IFTAP: variants seen among roughly 807,000 people sequenced by gnomAD.
IFTAP encodes the protein intraflagellar transport associated protein, also known as intraflagellar transport-associated protein.
In IFTAP, 19 loss-of-function variants were observed where a neutral mutation model predicts 19.4. The observed-to-expected ratio is 0.98, with a 90% CI of 0.68 to 1.44. The LOEUF (loss-of-function observed/expected upper bound fraction) is 1.44. Among genes scored for constraint, IFTAP ranks in the 40% most tolerant of loss-of-function variants. The pLI, the probability that IFTAP is intolerant of heterozygous loss-of-function variation, is 0.00. For missense variants in IFTAP, 240 were observed against 253.6 expected (o/e 0.95, Z 0.36); for synonymous variants, 85 against 83.5 (o/e 1.02, Z -0.10).
At chr11:36,648,760 A>T (rs1049265745) in intron 5 of IFTAP, among the ~76,000 whole-genome samples, 1 of 152,064 alleles carries the variant, frequency 6.6e-6, no homozygotes, top group African/African-American at 2.4e-5. Context: ...GGAGAGAAGA[A>T]CATGGGGGCA....
intron 3 of IFTAP, among the ~76,000 whole-genome samples, chr11:36,635,213 C>A (rs940834702): frequency 2.0e-5 from 3 of 152,136 alleles, no homozygotes; most frequent in African/African-American, 7.2e-5. Flanking sequence ...TTTTATTATG[C>A]ACATGTTTAG....
At chr11:36,620,192 G>A (rs1167764899) in intron 2 of IFTAP, among the ~76,000 whole-genome samples, 5 of 151,980 alleles carry the variant, frequency 3.3e-5, no homozygotes, top group African/African-American at 1.2e-4. Flanking sequence ...CATAAATTCA[G>A]TAACTATGTG....
intron 4 of IFTAP, 25 bp downstream of exon 4, chr11:36,636,142 A>G (rs369846850): frequency 2.3e-5 from 35 of 1,548,214 alleles, no homozygotes; most frequent in African/African-American, 2.2e-4. Context: ...TCCTTTCTAT[A>G]CTACCTGACC....
At chr11:36,614,246 AC>A (rs1400870943) in intron 2 of IFTAP, among the ~76,000 whole-genome samples, 1 of 144,564 alleles carries the variant, frequency 6.9e-6, no homozygotes, top group East Asian at 2.0e-4. Flanking sequence ...AAGGACATGA[AC>A]TCATCATTTT....
intron 1 of IFTAP, among the ~76,000 whole-genome samples, chr11:36,596,096 A>G (rs912163641): frequency 2.6e-5 from 4 of 152,250 alleles, no homozygotes; most frequent in Non-Finnish European, 2.9e-5. Context: ...TGCCTGGCAC[A>G]TAAACACTCA....
intron 1 of IFTAP, among the ~76,000 whole-genome samples, chr11:36,600,028 A>T (rs1310371286): frequency 6.6e-6 from 1 of 152,242 alleles, no homozygotes; most frequent in Non-Finnish European, 1.5e-5. Context: ...TGAATGGGTT[A>T]GTTGTCTCTT....
At chr11:36,605,121 T>C (rs1851645126) in intron 1 of IFTAP, among the ~76,000 whole-genome samples, 1 of 152,032 alleles carries the variant, frequency 6.6e-6, no homozygotes, top group South Asian at 2.1e-4. Context: ...CAAATGTTGA[T>C]GGTTTTATTT....
At position 36,658,356 on chromosome 11, in the gene IFTAP, G is replaced by A. The variant is rs143401646; in HGVS notation, c.499-663G>A. 1.7e-3 allele frequency among the ~76,000 whole-genome samples: 259 copies of A among 152,232 alleles called. 3 individuals carry two copies. Among genetic ancestry groups the A allele is most frequent in the African/African-American group, 5.9e-3 (245 of 41,548 alleles). On this transcript the variant is annotated intron_variant, in intron 5 of 5. Transcript: ENST00000334307. ...TTTTTTATCTGCCTTCCTTTAGGAA[G>A]TCTTTAAAACTCACAAATTATGAAT...
chr11:36,599,642 A>AT (rs144490050), intron 1 of IFTAP, among the ~76,000 whole-genome samples: 5,882 of 151,630 alleles, frequency 0.039, 373 homozygotes, highest in African/African-American at 0.13. Context: ...TTCAGGGTTG[A>AT]TTTTTTTTTA....
At chr11:36,642,247 GA>G (rs1853244249) in intron 4 of IFTAP, among the ~76,000 whole-genome samples, 1 of 152,076 alleles carries the variant, frequency 6.6e-6, no homozygotes, top group Admixed American at 6.5e-5. Flanking sequence ...AAATAAACTA[GA>G]AAATCTAGAA....
chr11:36,659,109 A>G lies in IFTAP; in HGVS notation c.589A>G (p.Ile197Val). ...MLTSKFSPAE[I>V]ENIKELCKQQ... ...AACCTCCAAGTTTAGTCCTGCAGAGATAGAGAACATCAAAGAGCTATGCAA... is the reference window on the plus strand; with the variant it reads ...AACCTCCAAGTTTAGTCCTGCAGAGGTAGAGAACATCAAAGAGCTATGCAA... The change falls in exon 6 of 6, where the codon ATA becomes GTA. Residue 197 changes from isoleucine to valine, a missense_variant. By Grantham distance (29) the Ile-to-Val change is conservative. Coordinates refer to ENST00000334307, the MANE Select transcript of IFTAP (RefSeq NM_138787.4). The G allele has an allele frequency of 6.2e-7, 1 of 1,610,582 alleles. No homozygotes were observed. The highest frequency in any genetic ancestry group is 8.5e-7 in the Non-Finnish European group (1 of 1,178,238).
intron 4 of IFTAP, among the ~76,000 whole-genome samples, chr11:36,642,236 CAAATAAACT>C (rs2133487078): frequency 6.6e-6 from 1 of 152,278 alleles, no homozygotes; most frequent in African/African-American, 2.4e-5. Context: ...CACCTCTACA[CAAATAAACT>C]AGAAAATCTA....
intron 1 of IFTAP, chr11:36,594,960 C>T (rs1016613829): frequency 1.3e-5 from 2 of 152,260 alleles, no homozygotes; most frequent in African/African-American, 4.8e-5. Context: ...GTTACAAAAG[C>T]CGTGACTGTC....
chr11:36,596,904 A>G (rs867804), intron 1 of IFTAP, among the ~76,000 whole-genome samples: 23,158 of 152,258 alleles, frequency 0.15, 2,517 homozygotes, highest in African/African-American at 0.31. Flanking sequence ...TGGGCAAGAC[A>G]TAAGGAGGAT....
chr11:36,637,399 G>A (rs116639441), intron 4 of IFTAP, among the ~76,000 whole-genome samples: 1 of 152,244 alleles, frequency 6.6e-6, no homozygotes, highest in African/African-American at 2.4e-5. Context: ...TCCAGGGAGA[G>A]GTTCTCTAAC....
At chr11:36,601,854 A>G (rs1037896783) in intron 1 of IFTAP, among the ~76,000 whole-genome samples, 4 of 152,142 alleles carry the variant, frequency 2.6e-5, no homozygotes, top group Admixed American at 2.6e-4. Flanking sequence ...AGGTCTCACT[A>G]TACTGGCCAG....
chr11:36,644,504 T>A (rs1390851378), intron 4 of IFTAP, among the ~76,000 whole-genome samples: 2 of 152,186 alleles, frequency 1.3e-5, no homozygotes, highest in African/African-American at 4.8e-5. Flanking sequence ...ACTGGGTATA[T>A]ACCCAAAGGA....
chr11:36,631,876 C>T (rs1295012332), intron 2 of IFTAP, among the ~76,000 whole-genome samples: 1 of 151,154 alleles, frequency 6.6e-6, no homozygotes, highest in African/African-American at 2.5e-5. Flanking sequence ...TTGGAATGTA[C>T]CCTGCACGCT....
At chr11:36,639,212 G>A (rs181358764) in intron 4 of IFTAP, among the ~76,000 whole-genome samples, 1 of 151,110 alleles carries the variant, frequency 6.6e-6, no homozygotes, top group East Asian at 1.9e-4. Flanking sequence ...GGTGGGCCCA[G>A]CCCAACCTCT....
Sources: gnomAD v4.1 joint callset for allele counts (sites outside exome capture counted in the v4.1 genomes callset) on GRCh38, gnomAD v4.1.1 for gene constraint, MANE v1.5 for transcripts, NCBI Gene and HGNC (gene_info 2026-07-23, HGNC 2026-07-21) for gene names.